Variants in MYO18B observed in about 807,000 individuals in gnomAD.
MYO18B encodes the protein myosin XVIIIB.
In MYO18B, 204 loss-of-function variants were observed where a neutral mutation model predicts 273.0. The ratio of observed to expected loss-of-function variants is 0.75; its 90% CI spans 0.67 to 0.84. The LOEUF is 0.84. MYO18B is among the 40% of genes least tolerant of loss of function. The pLI, the probability that MYO18B is intolerant of heterozygous loss-of-function variation, is 0.00. For missense variants in MYO18B, 3,212 were observed against 3,287.6 expected (o/e 0.98, Z 0.56); for synonymous variants, 1,330 against 1,305.7 (o/e 1.02, Z -0.40).
At chr22:25,751,594 T>G (rs1020947019) in intron 1 of MYO18B, among the ~76,000 whole-genome samples, 1 of 152,228 alleles carries the variant, frequency 6.6e-6, no homozygotes, top group African/African-American at 2.4e-5. Flanking sequence ...AGTCTCACCT[T>G]GGCTTTCTTG....
At chr22:25,874,877 T>TCG (rs1244953802) in intron 23 of MYO18B, among the ~76,000 whole-genome samples, 25 of 152,190 alleles carry the variant, frequency 1.6e-4, no homozygotes, top group Non-Finnish European at 4.4e-5. Flanking sequence ...GAACAAGTAT[T>TCG]ATATATGTTC....
At chr22:25,790,324 A>G (rs1420993174) in intron 11 of MYO18B, among the ~76,000 whole-genome samples, 2 of 152,240 alleles carry the variant, frequency 1.3e-5, no homozygotes, top group African/African-American at 2.4e-5. Flanking sequence ...CGCGCAGGTT[A>G]GTTACATACA....
chr22:25,934,322 A>G (rs546958169), intron 34 of MYO18B, among the ~76,000 whole-genome samples: 1 of 152,226 alleles, frequency 6.6e-6, no homozygotes, highest in South Asian at 2.1e-4. Context: ...CTAATGGGTC[A>G]GTGTTAAACA....
At chr22:25,801,712 G>A (rs527558123) in intron 12 of MYO18B, among the ~76,000 whole-genome samples, 5 of 152,246 alleles carry the variant, frequency 3.3e-5, no homozygotes, top group African/African-American at 9.6e-5. Flanking sequence ...ATTTTCCTGG[G>A]GCCATTGTGC....
Position 25,773,773 on chromosome 22 carries a change from T to C in MYO18B, c.1869+1263T>C, listed in dbSNP as rs147018060. 5.2e-3 allele frequency among the ~76,000 whole-genome samples: 787 copies of C among 152,354 alleles called. 7 individuals carry two copies. The highest frequency in any genetic ancestry group is 0.017 in the African/African-American group (722 of 41,584). On this transcript the variant is annotated intron_variant, in intron 7 of 43. Transcript: ENST00000335473. ...CCACTGCGCCTGGCCGATTTGTATC[T>C]ATTTTTTATGAACTGGGCAGCCTCC... is the stretch of plus-strand genomic sequence containing the variant.
In MYO18B at chr22:25,760,434, A is replaced by AAAAAAAAAC. The variant is rs59165419; in HGVS notation, c.-109-550_-109-549insAAAAAAAAC. Among the ~76,000 whole-genome samples, 32 of 111,550 alleles carry AAAAAAAAAC rather than the reference A, an allele frequency of 2.9e-4. 2 individuals carry two copies. The highest frequency in any genetic ancestry group is 9.8e-4 in the East Asian group (3 of 3,048). 73.2% of individuals were successfully genotyped at this position (111,550 alleles called of 152,430 possible). ...CTCAAAAAAAAAAAAAAAAAAAAAAACACAAAAACAAATAATAGTGGTTTC... is the reference window on the plus strand; with the variant it reads ...CTCAAAAAAAAAAAAAAAAAAAAAAAAAAAAAAACCACAAAAACAAATAATAGTGGTTTC... On this transcript the variant is annotated intron_variant, in intron 1 of 43. Transcript: ENST00000335473.
At chr22:25,781,627 A>C in intron 9 of MYO18B, 107 bp from the exon 10 acceptor site, 1 of 508,600 alleles carries the variant, frequency 2.0e-6, no homozygotes, top group East Asian at 3.6e-5. Context: ...AAAAAAAAAG[A>C]GTGGATCAGA....
chr22:25,842,906 C>G (rs79651717), intron 17 of MYO18B, among the ~76,000 whole-genome samples: 1 of 152,132 alleles, frequency 6.6e-6, no homozygotes, highest in Non-Finnish European at 1.5e-5. Context: ...CTTTGTGATT[C>G]GGGAACATCA....
At chr22:25,781,654 G>T in intron 9 of MYO18B, 80 bp from the exon 10 acceptor site, 1 of 813,508 alleles carries the variant, frequency 1.2e-6, no homozygotes. Context: ...CACCCCAATG[G>T]GGCTTCTGGG....
At chr22:25,792,235 T>C (rs2087694896) in intron 11 of MYO18B, among the ~76,000 whole-genome samples, 1 of 152,158 alleles carries the variant, frequency 6.6e-6, no homozygotes, top group South Asian at 2.1e-4. Context: ...CATTGCCTCC[T>C]CTGTTGGTTG....
At chr22:25,913,077 C>T (rs940318814) in intron 33 of MYO18B, among the ~76,000 whole-genome samples, 1 of 152,194 alleles carries the variant, frequency 6.6e-6, no homozygotes, top group Non-Finnish European at 1.5e-5. Flanking sequence ...TCACTGTGCA[C>T]ACGGGCGAGT....
At position 25,950,254 on chromosome 22, in the gene MYO18B, T is replaced by G; in HGVS notation, c.5749-113T>G. ...GAAACAGCTATTATCATAGAAGCTC[T>G]GAGAGATGTAGACATCTGTGGGTGG... is the stretch of plus-strand genomic sequence containing the variant. On this transcript the variant is annotated intron_variant, in intron 36 of 43. Transcript: ENST00000335473. 8 of 804,396 alleles carry G rather than the reference T, an allele frequency of 9.9e-6. No individual in the cohort carries two copies. In the South Asian group the frequency reaches 1.3e-4, roughly 13 times the overall value. The allele number at this position is 804,396 out of a possible 1,614,324, so 49.8% of individuals were successfully genotyped here. A position where few individuals can be genotyped will look rare whatever the true frequency, so the allele number is the denominator to read the frequency against.
rs376158747 is a variant in MYO18B, at chr22:26,026,567, G to T, written c.6593G>T (p.Arg2198Leu). ...AAGCCTGTTTCTCCCCACTTTGTCC[G>T]CCGGCAAAAGTACTGTCATTTTGGG... ...GDKPVSPHFVRRQKYCHFGDG... is the reference protein window; with the variant it reads ...GDKPVSPHFVLRQKYCHFGDG... The change falls in exon 43 of 44, where the codon CGC (arginine) becomes CTC (leucine). Residue 2198 changes from arginine (R) to leucine (L), a missense_variant. By Grantham distance (102) the Arg-to-Leu change is moderately radical. Transcript: ENST00000335473. 6.2e-7 allele frequency: 1 copy of T among 1,613,736 alleles called. No individual in the cohort carries two copies. Among genetic ancestry groups the T allele is most frequent in the Non-Finnish European group, 8.5e-7 (1 of 1,179,888 alleles).
chr22:25,928,602 C>G (rs932614203), intron 34 of MYO18B, among the ~76,000 whole-genome samples: 1 of 151,978 alleles, frequency 6.6e-6, no homozygotes, highest in Non-Finnish European at 1.5e-5. Flanking sequence ...CCCAGTTTCC[C>G]TCCACTGGGA....
intron 22 of MYO18B, among the ~76,000 whole-genome samples, chr22:25,872,991 T>C (rs544647445): frequency 6.6e-6 from 1 of 152,286 alleles, no homozygotes; most frequent in South Asian, 2.1e-4. Context: ...AATCCCACCA[T>C]AAGAGCATTT....
intron 29 of MYO18B, 132 bp downstream of exon 29, chr22:25,898,593 TC>T (rs1357921211): frequency 3.3e-6 from 3 of 916,824 alleles, no homozygotes; most frequent in Non-Finnish European, 5.0e-6. Context: ...TTCCTCCCTG[TC>T]CCGTCACACC....
At chr22:25,990,746 G>A (rs1255794749) in intron 39 of MYO18B, among the ~76,000 whole-genome samples, 1 of 132,262 alleles carries the variant, frequency 7.6e-6, no homozygotes, top group Non-Finnish European at 1.6e-5. Flanking sequence ...AAAGACTCCA[G>A]GCTAAGAGAG....
At chr22:25,944,878 T>C (rs2092686896) in intron 34 of MYO18B, among the ~76,000 whole-genome samples, 1 of 150,004 alleles carries the variant, frequency 6.7e-6, no homozygotes, top group Non-Finnish European at 1.5e-5. Context: ...GAGTTAGAGT[T>C]CAGAAGAGGC....
At chr22:25,957,286 TTC>T (rs912206982) in intron 39 of MYO18B, among the ~76,000 whole-genome samples, 8 of 152,236 alleles carry the variant, frequency 5.3e-5, no homozygotes, top group Admixed American at 1.3e-4. Flanking sequence ...CTTCCCTCTT[TTC>T]TCTCTTTCCT....
Sources: gnomAD v4.1 joint callset for allele counts (sites outside exome capture counted in the v4.1 genomes callset) on GRCh38, gnomAD v4.1.1 for gene constraint, MANE v1.5 for transcripts, NCBI Gene and HGNC (gene_info 2026-07-23, HGNC 2026-07-21) for gene names.